FGGY: variants seen among roughly 807,000 people sequenced by gnomAD.
The protein encoded by FGGY is FGGY carbohydrate kinase domain-containing protein.
In FGGY, 72 loss-of-function variants were observed where a neutral mutation model predicts 71.3. The ratio of observed to expected loss-of-function variants is 1.01; its 90% CI spans 0.84 to 1.23. FGGY has a LOEUF of 1.23. Among genes scored for constraint, FGGY ranks in the 50% most tolerant of loss-of-function variants. The pLI is 0.00. For missense variants in FGGY, 668 were observed against 682.3 expected (o/e 0.98, Z 0.23); for synonymous variants, 251 against 250.3 (o/e 1.00, Z -0.02).
intron 9 of FGGY, among the ~76,000 whole-genome samples, chr1:59,612,032 C>A (rs1435429124): frequency 6.6e-6 from 1 of 152,146 alleles, no homozygotes; most frequent in Non-Finnish European, 1.5e-5. Context: ...ATTAGTGTAC[C>A]TGAAAGTGAC....
chr1:59,434,866 A>G (rs909264944), intron 5 of FGGY, among the ~76,000 whole-genome samples: 15 of 152,298 alleles, frequency 9.8e-5, no homozygotes, highest in African/African-American at 3.1e-4. Context: ...CACACTGTCT[A>G]TATTGCCAAC....
chr1:59,651,682 C>CTGA, intron 11 of FGGY, among the ~76,000 whole-genome samples: 1 of 151,308 alleles, frequency 6.6e-6, no homozygotes, highest in African/African-American at 2.5e-5. Flanking sequence ...ATACAGCACA[C>CTGA]TGATGGTTCT....
In FGGY at chr1:59,663,155, T is replaced by A. The variant is rs1160180161; in HGVS notation, c.1296+2862T>A. ...GACGGTGCCTTGCCTACTGGTAGCT[T>A]AACACTGTAACCCTGTAAGTAGGTG... On this transcript the variant is annotated intron_variant, in intron 12 of 15. Transcript: ENST00000303721. Among the ~76,000 whole-genome samples the A allele has an allele frequency of 2.6e-5, 4 of 152,182 alleles. No homozygotes were observed. The East Asian group carries it at 7.7e-4, about 29-fold the overall frequency.
At chr1:59,357,665 A>G (rs573963402) in intron 4 of FGGY, among the ~76,000 whole-genome samples, 1 of 152,334 alleles carries the variant, frequency 6.6e-6, no homozygotes, top group South Asian at 2.1e-4. Flanking sequence ...TTTCAGCTCC[A>G]TAAAAGCAGG....
intron 14 of FGGY, among the ~76,000 whole-genome samples, chr1:59,686,695 A>G (rs958552114): frequency 7.9e-5 from 12 of 152,224 alleles, no homozygotes; most frequent in Admixed American, 6.5e-4. Context: ...TATTCAGCTT[A>G]TCTAGTACCC....
intron 8 of FGGY, among the ~76,000 whole-genome samples, chr1:59,606,241 A>G (rs1203913286): frequency 6.6e-6 from 1 of 152,130 alleles, no homozygotes; most frequent in Non-Finnish European, 1.5e-5. Flanking sequence ...TCCTCCCTCT[A>G]CTTGGAACAC....
chr1:59,482,663 TC>T (rs1395017377), intron 6 of FGGY, among the ~76,000 whole-genome samples: 4 of 150,028 alleles, frequency 2.7e-5, no homozygotes, highest in African/African-American at 9.8e-5. Context: ...AACACCATAT[TC>T]TGTGTCTTTT....
At position 59,552,661 on chromosome 1, in the gene FGGY, C is replaced by T. The variant is rs17119599; in HGVS notation, c.800-1463C>T. On this transcript the variant is annotated intron_variant, in intron 7 of 15. Transcript: ENST00000303721. ...TAACTTCTGCAGAATTGAGTATAGA[C>T]TGAACTTCCTTGGGCCCCTATAGGT... is the stretch of plus-strand genomic sequence containing the variant. Among the ~76,000 whole-genome samples the T allele has an allele frequency of 6.1e-3, 922 of 152,260 alleles. 11 individuals carry two copies. The highest frequency in any genetic ancestry group is 0.021 in the African/African-American group (881 of 41,546).
intron 7 of FGGY, among the ~76,000 whole-genome samples, chr1:59,545,838 C>T (rs936399982): frequency 1.3e-5 from 2 of 152,204 alleles, no homozygotes; most frequent in African/African-American, 4.8e-5. Context: ...CATGGTGCTA[C>T]ATGTAATTGT....
chr1:59,742,714 G>A (rs76436580), intron 14 of FGGY, among the ~76,000 whole-genome samples: 1,913 of 152,240 alleles, frequency 0.013, 81 homozygotes, highest in East Asian at 0.11. Flanking sequence ...TCAATAAATG[G>A]CACCACGTGT....
intron 6 of FGGY, among the ~76,000 whole-genome samples, chr1:59,483,990 T>C (rs1405059367): frequency 6.6e-6 from 1 of 152,156 alleles, no homozygotes; most frequent in African/African-American, 2.4e-5. Flanking sequence ...ATTTGTTGAG[T>C]GTGCATTATA....
rs886874984 is a variant in FGGY, at chr1:59,675,291, T to G, written c.1512+1158T>G. 3.3e-5 allele frequency among the ~76,000 whole-genome samples: 5 copies of G among 152,198 alleles called. 1 individual carries two copies. Among genetic ancestry groups the G allele is most frequent in the African/African-American group, 7.2e-5 (3 of 41,448 alleles). ...AGCTTTGTTTATTGTGAACCTCTTA[T>G]GTTCCAGACACTATGCTAGGTGCTT... On this transcript the variant is annotated intron_variant, in intron 14 of 15. Transcript: ENST00000303721.
chr1:59,471,782 G>A (rs1184322057), intron 6 of FGGY, among the ~76,000 whole-genome samples: 1 of 152,176 alleles, frequency 6.6e-6, no homozygotes, highest in Non-Finnish European at 1.5e-5. Context: ...GTCTACTAGG[G>A]GTAGGGGCAG....
chr1:59,355,532 TC>T (rs2054148352), intron 4 of FGGY, among the ~76,000 whole-genome samples: 1 of 151,632 alleles, frequency 6.6e-6, no homozygotes, highest in East Asian at 1.9e-4. Context: ...TGACAACACT[TC>T]ATTATTGAGC....
intron 14 of FGGY, among the ~76,000 whole-genome samples, chr1:59,715,892 G>A (rs2097842731): frequency 6.6e-6 from 1 of 152,150 alleles, no homozygotes; most frequent in Non-Finnish European, 1.5e-5. Context: ...GTTATATTGA[G>A]ACACAATCAC....
intron 7 of FGGY, among the ~76,000 whole-genome samples, chr1:59,546,269 G>T (rs569426814): frequency 1.3e-5 from 2 of 152,082 alleles, no homozygotes; most frequent in Non-Finnish European, 2.9e-5. Flanking sequence ...TAAGTGATTT[G>T]ACCTACTTGC....
At chr1:59,456,699 T>C (rs12089092) in intron 5 of FGGY, among the ~76,000 whole-genome samples, 7,831 of 152,222 alleles carry the variant, frequency 0.051, 682 homozygotes, top group African/African-American at 0.18. Flanking sequence ...CTGCCTGCCT[T>C]GGCCTCCCAA....
chr1:59,658,806 G>A (rs2097247431), intron 11 of FGGY, among the ~76,000 whole-genome samples: 1 of 152,204 alleles, frequency 6.6e-6, no homozygotes, highest in Admixed American at 6.5e-5. Flanking sequence ...ATGGTGGCTT[G>A]AATTAAGGAA....
At chr1:59,440,158 T>C (rs1323776488) in intron 5 of FGGY, among the ~76,000 whole-genome samples, 3 of 151,578 alleles carry the variant, frequency 2.0e-5, no homozygotes, top group Admixed American at 6.6e-5. Flanking sequence ...GGCCATTTTT[T>C]CCCCCTCATA....
Sources: allele counts gnomAD v4.1 joint callset (sites outside exome capture counted in the v4.1 genomes callset), GRCh38; gene constraint gnomAD v4.1.1; transcripts MANE v1.5; gene names NCBI Gene and HGNC (gene_info 2026-07-23, HGNC 2026-07-21).